HK1: variants seen among roughly 807,000 people sequenced by gnomAD.
HK1 encodes hexokinase 1.
A neutral mutation model predicts 91.6 loss-of-function variants in HK1; 28 were observed. The ratio of observed to expected loss-of-function variants is 0.31; its 90% CI spans 0.23 to 0.42. The LOEUF (loss-of-function observed/expected upper bound fraction) is 0.42, where lower values mean the gene tolerates loss of function less well. HK1 is among the 10% of genes least tolerant of loss of function. HK1 has a pLI of 1.00. For synonymous variants in HK1, 430 were observed against 468.1 expected (o/e 0.92, Z 1.05); for missense variants, 770 against 1,219.8 (o/e 0.63, Z 5.49).
At chr10:69,382,353 TG>T (rs1396510013) in intron 9 of HK1, 133 bp from the exon 10 acceptor site, 4 of 932,030 alleles carry the variant, frequency 4.3e-6, no homozygotes, top group Non-Finnish European at 6.9e-6. Flanking sequence ...CCAGCCTGGG[TG>T]ACAGAGCAAG....
In HK1 at chr10:69,395,106, G is replaced by T; in HGVS notation, c.2375+1G>T. Reference sequence around the variant, plus strand: ...CCAAGTTTCTCTCTCAGATCGAGAGGTGAGTGGGCAGTGTCTTCCCTGCCA... The same window carrying T: ...CCAAGTTTCTCTCTCAGATCGAGAGTTGAGTGGGCAGTGTCTTCCCTGCCA... On this transcript the variant is annotated splice_donor_variant, in intron 16 of 17. Coordinates refer to ENST00000359426, the MANE Select transcript of HK1 (RefSeq NM_000188.3). LOFTEE classifies it high-confidence loss of function. 1 of 1,613,570 alleles carries T rather than the reference G, an allele frequency of 6.2e-7. No individual in the cohort carries two copies. The highest frequency in any genetic ancestry group is 1.1e-5 in the South Asian group (1 of 90,898).
intron 8 of HK1, among the ~76,000 whole-genome samples, chr10:69,377,678 G>A (rs1379762895): frequency 6.6e-6 from 1 of 152,094 alleles, no homozygotes; most frequent in East Asian, 1.9e-4. Context: ...AGAATAAGAA[G>A]TATAAAGTAT....
chr10:69,280,192 A>C (rs987619495), intron 1 of HK1, among the ~76,000 whole-genome samples: 1 of 152,020 alleles, frequency 6.6e-6, no homozygotes, highest in Non-Finnish European at 1.5e-5. Flanking sequence ...GCTCACTGTA[A>C]GCTCCGCCTC....
chr10:69,277,671 T>C (rs900301551), intron 1 of HK1, among the ~76,000 whole-genome samples: 1 of 152,230 alleles, frequency 6.6e-6, no homozygotes, highest in African/African-American at 2.4e-5. Context: ...CTCCATCTTT[T>C]GTATTTTTGT....
intron 17 of HK1, 124 bp downstream of exon 17, chr10:69,398,952 C>T (rs563005350): frequency 6.4e-4 from 442 of 687,320 alleles, no homozygotes; most frequent in Non-Finnish European, 9.3e-4. Flanking sequence ...GAAGGCTGTG[C>T]GTTCAGGAGC....
intron 1 of HK1, among the ~76,000 whole-genome samples, chr10:69,326,703 G>A (rs1847396331): frequency 6.6e-6 from 1 of 152,186 alleles, no homozygotes; most frequent in African/African-American, 2.4e-5. Context: ...ACACCTCTGA[G>A]TCTGCTACTC....
chr10:69,398,791 G>A lies in HK1; in HGVS notation c.2572G>A (p.Val858Met). The A allele has an allele frequency of 6.2e-7, 1 of 1,613,922 alleles. No individual in the cohort carries two copies. Among genetic ancestry groups the A allele is most frequent in the Non-Finnish European group, 8.5e-7 (1 of 1,179,758 alleles). Residue 858 changes from valine (V) to methionine (M), a missense_variant, in exon 17 of 18, where the codon GTG becomes ATG. Transcript: ENST00000359426. ...AGGACTGGACCGTCTGAATGTGACT[G>A]TGGGAGTGGACGGGACACTCTACAA... Reference protein sequence around the residue: ...NRGLDRLNVTVGVDGTLYKLH... With the variant: ...NRGLDRLNVTMGVDGTLYKLH...
rs561529617 is a variant in HK1 at position 69,367,281 on chromosome 10, C to T, written c.496-1255C>T. On this transcript the variant is annotated intron_variant, in intron 4 of 17. Transcript: ENST00000359426. ...CAGTGGAGCACAGACCCTCAATTTC[C>T]CATCCAGAGGCCTGTGCATGTTACC... 9.8e-5 allele frequency among the ~76,000 whole-genome samples: 15 copies of T among 152,314 alleles called. No individual in the cohort carries two copies. The East Asian group carries it at 2.9e-3, about 29-fold the overall frequency.
intron 1 of HK1, among the ~76,000 whole-genome samples, chr10:69,330,227 G>T (rs1331439758): frequency 1.3e-5 from 2 of 152,174 alleles, no homozygotes; most frequent in Non-Finnish European, 2.9e-5. Context: ...GGGTGGGTGT[G>T]GTGAGTGAAG....
At chr10:69,274,555 AC>A in intron 1 of HK1, among the ~76,000 whole-genome samples, 1 of 150,238 alleles carries the variant, frequency 6.7e-6, no homozygotes, top group East Asian at 2.0e-4. Flanking sequence ...CCGAGATGGC[AC>A]TCCAGCCTGG....
At chr10:69,345,467 A>G (rs1267548716) in intron 2 of HK1, among the ~76,000 whole-genome samples, 2 of 152,162 alleles carry the variant, frequency 1.3e-5, no homozygotes, top group African/African-American at 4.8e-5. Flanking sequence ...AGCCAGGAGC[A>G]CTGGAACCTT....
chr10:69,357,384 T>G (rs189664746), intron 2 of HK1, among the ~76,000 whole-genome samples: 2 of 152,334 alleles, frequency 1.3e-5, no homozygotes, highest in East Asian at 3.9e-4. Flanking sequence ...CACTATAACA[T>G]GATGAACCTT....
intron 3 of HK1, among the ~76,000 whole-genome samples, chr10:69,294,004 G>A (rs1395784485): frequency 2.0e-5 from 3 of 151,748 alleles, no homozygotes; most frequent in Non-Finnish European, 4.4e-5. Flanking sequence ...TGGGACTACA[G>A]GCGCCCACCA....
intron 1 of HK1, chr10:69,278,807 T>C (rs1014144233): frequency 1.3e-5 from 2 of 152,200 alleles, no homozygotes; most frequent in Non-Finnish European, 2.9e-5. Context: ...TTGTTTTTTT[T>C]TTCCCTTATT....
intron 2 of HK1, among the ~76,000 whole-genome samples, chr10:69,344,536 G>A (rs1848450933): frequency 6.6e-6 from 1 of 152,194 alleles, no homozygotes; most frequent in Non-Finnish European, 1.5e-5. Context: ...AATTGAGGCA[G>A]CCCCCAAAAC....
rs1847788177 is a variant in HK1, at chr10:69,332,483, G to A, written c.64-11344G>A. The stretch of plus-strand genomic sequence containing the variant: ...AACCTCTGCCTCCCTGGTTCAAGCG[G>A]TTCTCATGCCTCAGCCTCTCTAGTA... On this transcript the variant is annotated intron_variant, in intron 1 of 17. Transcript: ENST00000359426. 2.0e-5 allele frequency among the ~76,000 whole-genome samples: 3 copies of A among 151,964 alleles called. No homozygotes were observed. In the South Asian group the frequency reaches 6.2e-4, roughly 32 times the overall value.
At chr10:69,395,914 G>GAA (rs760773622) in intron 16 of HK1, among the ~76,000 whole-genome samples, 1 of 152,164 alleles carries the variant, frequency 6.6e-6, no homozygotes, top group African/African-American at 2.4e-5. Flanking sequence ...AAAAGGGTCA[G>GAA]AAAAAACAAA....
intron 3 of HK1, among the ~76,000 whole-genome samples, chr10:69,362,438 T>G (rs548180195): frequency 1.8e-3 from 252 of 138,408 alleles, no homozygotes; most frequent in African/African-American, 8.4e-3. Context: ...AATAATGTTT[T>G]TTTTTTTTTT....
At chr10:69,331,363 G>A (rs913178214) in intron 1 of HK1, among the ~76,000 whole-genome samples, 4 of 152,270 alleles carry the variant, frequency 2.6e-5, no homozygotes, top group African/African-American at 7.2e-5. Flanking sequence ...ACATTTCAGC[G>A]GCCTTCTTCA....
Sources: allele counts gnomAD v4.1 joint callset (sites outside exome capture counted in the v4.1 genomes callset), GRCh38; gene constraint gnomAD v4.1.1; transcripts MANE v1.5; gene names NCBI Gene and HGNC (gene_info 2026-07-23, HGNC 2026-07-21).